KIF23: variants seen among roughly 807,000 people sequenced by gnomAD.
KIF23 encodes kinesin family member 23.
KIF23 carries 30 observed loss-of-function variants against 137.5 expected under a neutral mutation model. The ratio of observed to expected loss-of-function variants is 0.22; its 90% confidence interval spans 0.16 to 0.30. KIF23 has a LOEUF of 0.30. Ranked by LOEUF, KIF23 falls within the 10% of genes least tolerant of loss-of-function variation. The pLI is 1.00. For missense variants in KIF23, 920 were observed against 1,194.3 expected (o/e 0.77, Z 3.38); for synonymous variants, 367 against 391.1 (o/e 0.94, Z 0.73).
At chr15:69,437,866 T>G (rs1245135718) in intron 15 of KIF23, among the ~76,000 whole-genome samples, 1 of 152,224 alleles carries the variant, frequency 6.6e-6, no homozygotes, top group Non-Finnish European at 1.5e-5. Flanking sequence ...AAATATTAAT[T>G]AACTCGCCTA....
intron 11 of KIF23, among the ~76,000 whole-genome samples, chr15:69,432,376 T>C (rs1418728425): frequency 6.6e-6 from 1 of 152,146 alleles, no homozygotes; most frequent in African/African-American, 2.4e-5. Flanking sequence ...CTACAGCATA[T>C]GAGAATGATT....
Position 69,426,405 on chromosome 15 carries a change from A to G in KIF23, c.959A>G (p.Asn320Ser), listed in dbSNP as rs763389214. The G allele has an allele frequency of 3.1e-6, 5 of 1,614,040 alleles. No homozygotes were observed. The South Asian group carries it at 4.4e-5, about 14-fold the overall frequency. ...RESSRSHSVF[N>S]IKLVQAPLDA... ...TCCAGCCGTTCCCATAGCGTGTTCA[A>G]CATTAAATTAGTTCAGGCTCCCTTG... The change falls in exon 10 of 24, where the codon AAC becomes AGC. Residue 320 changes from asparagine (N) to serine (S), a missense_variant. Physicochemically the swap from Asn to Ser is conservative, Grantham distance 46. This residue lies in a region of KIF23 where 714 missense variants were observed against 866.2 expected (regional missense o/e 0.82). Transcript: ENST00000679126.
In KIF23 at chr15:69,438,370, C is replaced by A. The variant is rs1274444957; in HGVS notation, c.1720C>A (p.Arg574=). The change falls in exon 16 of 24, where the codon CGA becomes AGA. Residue 574 remains arginine, a synonymous_variant. Transcript: ENST00000679126. ...CTCAGGACAGAAATTGGAAATAGAA[C>A]GACTGGAAAAGAAAAACAAAACTTT... The part of the protein sequence containing the change: ...MISGQKLEIE[R]LEKKNKTLEY... The A allele has an allele frequency of 6.2e-7, 1 of 1,608,840 alleles. No individual in the cohort carries two copies. Among genetic ancestry groups the A allele is most frequent in the South Asian group, 1.1e-5 (1 of 89,958 alleles).
intron 6 of KIF23, among the ~76,000 whole-genome samples, chr15:69,422,742 G>A (rs2057089931): frequency 6.6e-6 from 1 of 152,046 alleles, no homozygotes. Context: ...GCTGCTTTGT[G>A]CATTTCTGCT....
intron 3 of KIF23, among the ~76,000 whole-genome samples, chr15:69,417,737 T>C (rs1157819945): frequency 6.6e-6 from 1 of 152,240 alleles, no homozygotes; most frequent in Admixed American, 6.5e-5. Flanking sequence ...TTTCTTACAC[T>C]GAGTATTATT....
intron 15 of KIF23, among the ~76,000 whole-genome samples, chr15:69,437,364 GT>G (rs1430633293): frequency 1.3e-5 from 2 of 151,302 alleles, no homozygotes; most frequent in African/African-American, 4.9e-5. Flanking sequence ...CTCAGGATAT[GT>G]TGTGAAGATA....
At chr15:69,416,847 C>T (rs1055508366) in intron 2 of KIF23, among the ~76,000 whole-genome samples, 7 of 151,940 alleles carry the variant, frequency 4.6e-5, no homozygotes, top group Non-Finnish European at 8.8e-5. Context: ...CCCAGCTACT[C>T]GGGAGGCTGA....
chr15:69,421,295 G>A (rs2057048820), intron 3 of KIF23, among the ~76,000 whole-genome samples: 1 of 152,128 alleles, frequency 6.6e-6, no homozygotes, highest in Admixed American at 6.5e-5. Context: ...GGCTGAGGCA[G>A]GGGAATCGCT....
intron 6 of KIF23, chr15:69,422,804 CTT>C (rs113583800): frequency 4.8e-3 from 1,005 of 211,310 alleles, no homozygotes; most frequent in South Asian, 7.8e-3. Context: ...GGATCAGTTA[CTT>C]TTTTTTTTTT....
intron 3 of KIF23, among the ~76,000 whole-genome samples, chr15:69,419,151 A>G (rs1253606985): frequency 6.6e-6 from 1 of 152,108 alleles, no homozygotes; most frequent in African/African-American, 2.4e-5. Flanking sequence ...AAACAAACAA[A>G]AAACAACTTT....
intron 8 of KIF23, 42 bp downstream of exon 8, chr15:69,425,365 AG>A: frequency 6.7e-7 from 1 of 1,495,176 alleles, no homozygotes; most frequent in Admixed American, 2.0e-5. Flanking sequence ...AGAAGGGTGC[AG>A]TTATACTATG....
In KIF23 at chr15:69,448,069, A is replaced by T. The variant is rs1313909421; in HGVS notation, c.*262A>T. 3.4e-6 allele frequency: 1 copy of T among 297,568 alleles called. No individual in the cohort carries two copies. The highest frequency in any genetic ancestry group is 5.0e-5 in the Admixed American group (1 of 19,924). 18.4% of individuals were successfully genotyped at this position (297,568 alleles called of 1,614,324 possible). A position where few individuals can be genotyped will look rare whatever the true frequency, so the allele number is the denominator to read the frequency against. Reference sequence around the variant, plus strand: ...GGAAGACTCCTTTTTTCATCACTGTATGAATTTTTTATAATGTTTTTTTAA... The same window carrying T: ...GGAAGACTCCTTTTTTCATCACTGTTTGAATTTTTTATAATGTTTTTTTAA... On this transcript the variant is annotated 3_prime_UTR_variant, in exon 24 of 24. Transcript: ENST00000679126.
At position 69,423,173 on chromosome 15, in the gene KIF23, C is replaced by T. The variant is rs1488515362; in HGVS notation, c.578C>T (p.Pro193Leu). 1 of 1,590,248 alleles carries T rather than the reference C, an allele frequency of 6.3e-7. No individual in the cohort carries two copies. The change falls in exon 7 of 24, where the codon CCA becomes CTA. Residue 193 changes from proline (P) to leucine (L), a missense_variant. Physicochemically the swap from Pro to Leu is moderately conservative, Grantham distance 98 (BLOSUM62 -3). Transcript: ENST00000679126. ...TCTTTTTTTAGACGACAAGTAGATC[C>T]AGAGTTTGCAGATATGATAACTGTA... ...KTSSSKRQVDPEFADMITVQE... is the reference protein window; with the variant it reads ...KTSSSKRQVDLEFADMITVQE...
chr15:69,428,686 CAAA>C (rs2057273323), intron 10 of KIF23, among the ~76,000 whole-genome samples: 1 of 76,426 alleles, frequency 1.3e-5, no homozygotes, highest in African/African-American at 4.8e-5. Context: ...AAAAAAAAAA[CAAA>C]AGAATTATTT....
At chr15:69,435,095 G>T in intron 11 of KIF23, 1 of 488,220 alleles carries the variant, frequency 2.0e-6, no homozygotes, top group East Asian at 3.1e-5. Flanking sequence ...GAAGCGGGAC[G>T]GTGGCCTGGG....
At position 69,427,388 on chromosome 15, in the gene KIF23, C is replaced by A. The variant is rs191054003; in HGVS notation, c.1011+931C>A. On this transcript the variant is annotated intron_variant, in intron 10 of 23. Coordinates refer to ENST00000679126, the MANE Select transcript of KIF23 (RefSeq NM_001367805.3). ...ATTATAGTTTTGGGAAGCTGGATAT[C>A]GAATCTTAGAGCCTGAATTTTGCTG... is the stretch of plus-strand genomic sequence containing the variant. 2.0e-4 allele frequency: 93 copies of A among 455,780 alleles called. No homozygotes were observed. In the East Asian group the frequency reaches 6.2e-3, roughly 30 times the overall value. 28.2% of individuals were successfully genotyped at this position (455,780 alleles called of 1,614,324 possible).
intron 9 of KIF23, 53 bp from the exon 10 acceptor site, chr15:69,426,283 T>A: frequency 1.2e-6 from 2 of 1,608,806 alleles, no homozygotes; most frequent in Non-Finnish European, 1.7e-6. Context: ...AGAAAGCATG[T>A]ATAATGAAAT....
At chr15:69,446,771 C>A in intron 22 of KIF23, 100 bp from the exon 23 acceptor site, 1 of 1,034,732 alleles carries the variant, frequency 9.7e-7, no homozygotes, top group Non-Finnish European at 1.5e-6. Flanking sequence ...AACTAGAAAG[C>A]AATATTGCAT....
chr15:69,416,814 G>T lies in KIF23; in HGVS notation c.82-569G>T, dbSNP rs182110742. On this transcript the variant is annotated intron_variant, in intron 2 of 23. Transcript: ENST00000679126. ...TACTAAAATTACAAAAATTAGCTGG[G>T]TGTGGTGGTGGGTGCCTGTAATCCC... Among the ~76,000 whole-genome samples the T allele has an allele frequency of 2.2e-4, 34 of 152,298 alleles. 1 individual carries two copies. The East Asian group carries it at 4.6e-3, about 21-fold the overall frequency.
Sources: allele counts gnomAD v4.1 joint callset (sites outside exome capture counted in the v4.1 genomes callset), GRCh38; gene constraint gnomAD v4.1.1; regional missense constraint gnomAD v4.1.1; transcripts MANE v1.5; gene names NCBI Gene and HGNC (gene_info 2026-07-23, HGNC 2026-07-21).